The following COL11A1 variants were observed in gnomAD, a reference collection of about 807,000 sequenced individuals.
The protein encoded by COL11A1 is collagen alpha-1(XI) chain.
A neutral mutation model predicts 265.2 loss-of-function variants in COL11A1; 74 were observed. That is an observed-to-expected ratio of 0.28 (90% CI 0.23 to 0.34). COL11A1 has a LOEUF of 0.34. Ranked by LOEUF, COL11A1 falls within the 10% of genes least tolerant of loss-of-function variation. The pLI is 1.00. For synonymous variants in COL11A1, 816 were observed against 727.6 expected (o/e 1.12, Z -1.96); for missense variants, 2,165 against 2,263.6 (o/e 0.96, Z 0.88).
chr1:102,967,824 G>A (rs758516005), intron 37 of COL11A1, among the ~76,000 whole-genome samples: 6 of 152,066 alleles, frequency 3.9e-5, no homozygotes, highest in Non-Finnish European at 8.8e-5. Context: ...TACTAACTGT[G>A]AGAGCAAGAA....
chr1:102,878,226 A>G, intron 66 of COL11A1, 61 bp from the exon 67 acceptor site: 10 of 1,478,242 alleles, frequency 6.8e-6, no homozygotes, highest in Non-Finnish European at 9.2e-6. Context: ...AATGCATCTT[A>G]TTTTTTCTTG....
At chr1:102,961,177 G>A (rs948230719) in intron 41 of COL11A1, among the ~76,000 whole-genome samples, 3 of 152,106 alleles carry the variant, frequency 2.0e-5, no homozygotes, top group Non-Finnish European at 2.9e-5. Flanking sequence ...TGAAATTTCA[G>A]TGTGCAGATA....
At chr1:102,987,941 T>G (rs1663743262) in intron 29 of COL11A1, among the ~76,000 whole-genome samples, 1 of 152,102 alleles carries the variant, frequency 6.6e-6, no homozygotes, top group Non-Finnish European at 1.5e-5. Flanking sequence ...ATGATGATAG[T>G]CTTTCCCCAA....
At chr1:102,983,865 G>C (rs1411657116) in intron 31 of COL11A1, among the ~76,000 whole-genome samples, 1 of 152,018 alleles carries the variant, frequency 6.6e-6, no homozygotes, top group Non-Finnish European at 1.5e-5. Context: ...AAAACTTCCA[G>C]ATATACTAGG....
chr1:103,076,382 G>T (rs1671974469), intron 3 of COL11A1, among the ~76,000 whole-genome samples: 1 of 151,544 alleles, frequency 6.6e-6, no homozygotes, highest in South Asian at 2.1e-4. Context: ...GTCAGATCAA[G>T]GATCTGCATT....
At chr1:102,905,431 A>G (rs1653851744) in intron 54 of COL11A1, among the ~76,000 whole-genome samples, 1 of 150,786 alleles carries the variant, frequency 6.6e-6, no homozygotes. Flanking sequence ...GAAGGAAGAA[A>G]GGAAGAAAAG....
At chr1:102,915,094 C>T (rs562945136) in intron 50 of COL11A1, among the ~76,000 whole-genome samples, 29 of 152,124 alleles carry the variant, frequency 1.9e-4, no homozygotes, top group Middle Eastern at 6.8e-3. Flanking sequence ...TTAGTAGAGA[C>T]GGGGTTTTAC....
In COL11A1 at chr1:103,031,257, A is replaced by AC. The variant is rs368143009; in HGVS notation, c.652-14_652-13insG. 1.0e-5 allele frequency: 16 copies of AC among 1,601,020 alleles called. No individual in the cohort carries two copies. Among genetic ancestry groups the AC allele is most frequent in the East Asian group, 6.7e-5 (3 of 44,706 alleles). On this transcript the variant is annotated splice_polypyrimidine_tract_variant and intron_variant, in intron 4 of 66. Coordinates refer to ENST00000370096, the MANE Select transcript of COL11A1 (RefSeq NM_001854.4). ...GCTGAATGTCCCCCTGGGAAAAAAA[A>AC]AAAAACAAAAACAAACAGACACAGA...
intron 4 of COL11A1, among the ~76,000 whole-genome samples, chr1:103,073,675 T>A (rs937415420): frequency 6.6e-6 from 1 of 151,860 alleles, no homozygotes; most frequent in African/African-American, 2.4e-5. Flanking sequence ...ATAATAATAA[T>A]TTTAAATAAA....
intron 14 of COL11A1, among the ~76,000 whole-genome samples, chr1:103,010,964 T>C (rs1666078462): frequency 6.6e-6 from 1 of 152,154 alleles, no homozygotes; most frequent in African/African-American, 2.4e-5. Context: ...CCTCCCAAAG[T>C]GCTGGGATTA....
intron 54 of COL11A1, among the ~76,000 whole-genome samples, chr1:102,906,000 T>A (rs933612228): frequency 2.6e-5 from 4 of 152,128 alleles, no homozygotes; most frequent in Non-Finnish European, 5.9e-5. Context: ...AAGAAAATAT[T>A]TTACTCCTTA....
At chr1:103,107,083 G>A (rs1027595872) in intron 1 of COL11A1, among the ~76,000 whole-genome samples, 18 of 152,120 alleles carry the variant, frequency 1.2e-4, no homozygotes, top group Non-Finnish European at 2.5e-4. Flanking sequence ...CTAACGGACC[G>A]CTCCAGCCAG....
intron 54 of COL11A1, among the ~76,000 whole-genome samples, chr1:102,908,061 T>C (rs561926636): frequency 5.5e-4 from 83 of 152,220 alleles, no homozygotes; most frequent in African/African-American, 2.0e-3. Context: ...AAAACATTCT[T>C]CCCAATACTT....
At chr1:103,077,735 C>T (rs900547678) in intron 3 of COL11A1, among the ~76,000 whole-genome samples, 1 of 152,050 alleles carries the variant, frequency 6.6e-6, no homozygotes, top group Admixed American at 6.5e-5. Context: ...TTAGCTGCTC[C>T]ATAAGTGAAA....
chr1:102,932,676 C>G (rs1657618080), intron 46 of COL11A1, among the ~76,000 whole-genome samples: 1 of 152,022 alleles, frequency 6.6e-6, no homozygotes, highest in African/African-American at 2.4e-5. Flanking sequence ...GGATAATATC[C>G]TGCAGAGTGT....
intron 4 of COL11A1, among the ~76,000 whole-genome samples, chr1:103,051,243 T>G (rs1333469111): frequency 2.0e-5 from 3 of 152,206 alleles, no homozygotes; most frequent in Non-Finnish European, 2.9e-5. Flanking sequence ...GCTGTGGTGG[T>G]CTCCACCCAG....
chr1:102,987,851 C>T lies in COL11A1; in HGVS notation c.2395-111G>A, dbSNP rs373070269. On this transcript the variant is annotated intron_variant, in intron 29 of 66. Coordinates refer to ENST00000370096, the MANE Select transcript of COL11A1 (RefSeq NM_001854.4). Reference sequence around the variant, plus strand: ...ATCTGATATAATAAACTCCATCTTGCCTTTTACCTTCAAACTGCCCTTGAT... The same window carrying T: ...ATCTGATATAATAAACTCCATCTTGTCTTTTACCTTCAAACTGCCCTTGAT... 7.5e-6 allele frequency: 6 copies of T among 797,630 alleles called. No individual in the cohort carries two copies. In the East Asian group the frequency reaches 1.5e-4, roughly 20 times the overall value. 49.4% of individuals were successfully genotyped at this position (797,630 alleles called of 1,614,324 possible).
At chr1:103,000,984 A>T (rs1332907227) in intron 24 of COL11A1, 2 of 390,532 alleles carry the variant, frequency 5.1e-6, no homozygotes, top group Non-Finnish European at 9.0e-6. Context: ...AAATGAAAGA[A>T]GTCAGACATA....
At chr1:102,910,550 A>C (rs1311719918) in intron 54 of COL11A1, among the ~76,000 whole-genome samples, 2 of 152,110 alleles carry the variant, frequency 1.3e-5, no homozygotes, top group East Asian at 3.9e-4. Flanking sequence ...AGCAAGGTTT[A>C]ATTTCCTTGC....
Sources: gnomAD v4.1 joint callset for allele counts (sites outside exome capture counted in the v4.1 genomes callset) on GRCh38, gnomAD v4.1.1 for gene constraint, MANE v1.5 for transcripts, NCBI Gene and HGNC (gene_info 2026-07-23, HGNC 2026-07-21) for gene names.